SPATA1: variants seen among roughly 807,000 people sequenced by gnomAD.
SPATA1 encodes spermatogenesis-associated protein 1.
In SPATA1, 57 loss-of-function variants were observed where a neutral mutation model predicts 59.6. The ratio of observed to expected loss-of-function variants is 0.96; its 90% CI spans 0.77 to 1.19. The LOEUF (loss-of-function observed/expected upper bound fraction) is 1.19, where lower values mean the gene tolerates loss of function less well. Among genes scored for constraint, SPATA1 ranks in the 50% most tolerant of loss-of-function variants. The probability of loss-of-function intolerance (pLI) is 0.00; values close to 1 mark genes in which losing one functional copy is unlikely to be tolerated. For synonymous variants in SPATA1, 147 were observed against 163.9 expected, an observed-to-expected ratio of 0.90 and a Z score of 0.79; for missense variants, 448 against 480.7, an observed-to-expected ratio of 0.93 and a Z score of 0.64.
exon 13 of SPATA1, chr1:84,553,334 C>T (rs1188786510): frequency 4.0e-6 from 1 of 248,984 alleles, no homozygotes; most frequent in African/African-American, 2.3e-5. Context: ...ATTCCAAGTC[C>T]TTTACATATT....
rs1164801917 is a variant in SPATA1, at chr1:84,561,299, G to A, written n.443-4562G>A. Among the ~76,000 whole-genome samples, 3 of 152,304 alleles carry A rather than the reference G, an allele frequency of 2.0e-5. No homozygotes were observed. The East Asian group carries it at 5.8e-4, about 29-fold the overall frequency. On this transcript the variant is annotated intron_variant and non_coding_transcript_variant, in intron 4 of 4. Coordinates refer to the SPATA1 transcript ENST00000460286. ...TGAAGGAAGTAACTGCAGAGGTAGT[G>A]GAAACAGCAAGAGAATTAGAATTGG...
chr1:84,545,565 C>T, intron 9 of SPATA1, 69 bp from the exon 10 acceptor site: 1 of 1,438,112 alleles, frequency 7.0e-7, no homozygotes. Context: ...GTTTTACACT[C>T]CATATTTTAG....
chr1:84,522,937 G>A (rs1683085943), intron 4 of SPATA1, among the ~76,000 whole-genome samples: 1 of 149,810 alleles, frequency 6.7e-6, no homozygotes, highest in Non-Finnish European at 1.5e-5. Flanking sequence ...CCGAGACGGA[G>A]TCTTGCTCTG....
intron 4 of SPATA1, among the ~76,000 whole-genome samples, chr1:84,561,795 A>AT (rs993576527): frequency 2.6e-5 from 4 of 152,162 alleles, no homozygotes; most frequent in Non-Finnish European, 4.4e-5. Flanking sequence ...GATCGTTATC[A>AT]TTTTTTTAGC....
At chr1:84,546,367 G>A (rs1191846578) in intron 10 of SPATA1, among the ~76,000 whole-genome samples, 1 of 150,430 alleles carries the variant, frequency 6.6e-6, no homozygotes, top group Non-Finnish European at 1.5e-5. Context: ...GCTAAGGCAG[G>A]AGAATGGCTT....
intron 1 of SPATA1, among the ~76,000 whole-genome samples, chr1:84,514,207 G>T (rs1682699625): frequency 6.6e-6 from 1 of 152,000 alleles, no homozygotes; most frequent in Non-Finnish European, 1.5e-5. Context: ...CTTTTCCCAG[G>T]TCTAATCCCC....
intron 8 of SPATA1, 120 bp from the exon 9 acceptor site, chr1:84,544,082 G>A (rs1350997050): frequency 9.1e-6 from 6 of 662,410 alleles, no homozygotes; most frequent in South Asian, 1.9e-5. Flanking sequence ...AAAATTTGGA[G>A]TTCATCACCA....
intron 2 of SPATA1, among the ~76,000 whole-genome samples, chr1:84,519,266 T>C (rs1442727649): frequency 6.6e-6 from 1 of 152,208 alleles, no homozygotes; most frequent in East Asian, 1.9e-4. Context: ...ATGGTTTTAA[T>C]GAAAATGTTA....
chr1:84,520,633 A>G, exon 3 of SPATA1: 1 of 1,582,030 alleles, frequency 6.3e-7, no homozygotes, highest in East Asian at 2.3e-5. Flanking sequence ...ATGGAACTAT[A>G]AGCTAAATAC....
chr1:84,559,089 A>G (rs1472422561), downstream of SPATA1, among the ~76,000 whole-genome samples: 2 of 152,170 alleles, frequency 1.3e-5, no homozygotes, highest in Admixed American at 1.3e-4. Context: ...TGCTTTGCAG[A>G]CATTAAATTT....
chr1:84,514,226 A>G (rs1348804917), intron 1 of SPATA1, among the ~76,000 whole-genome samples: 1 of 152,148 alleles, frequency 6.6e-6, no homozygotes, highest in Non-Finnish European at 1.5e-5. Flanking sequence ...CCAAGGGCTC[A>G]TCTTTTTACA....
chr1:84,554,550 T>A (rs1684372585), downstream of SPATA1: 1 of 158,320 alleles, frequency 6.3e-6, no homozygotes, highest in Non-Finnish European at 1.4e-5. Flanking sequence ...GGTTTTAAAT[T>A]TAAGATTTAT....
chr1:84,556,275 T>C (rs1684426654), downstream of SPATA1, among the ~76,000 whole-genome samples: 2 of 152,184 alleles, frequency 1.3e-5, no homozygotes, highest in Admixed American at 6.5e-5. Context: ...GTGAAAAAGA[T>C]AGGAGATAAA....
intron 1 of SPATA1, among the ~76,000 whole-genome samples, chr1:84,512,437 A>G (rs1294270731): frequency 2.0e-5 from 3 of 152,214 alleles, no homozygotes; most frequent in Admixed American, 6.5e-5. Flanking sequence ...CTTTATTGGT[A>G]TATTTAAACA....
chr1:84,529,981 C>T (rs908782224), intron 6 of SPATA1, among the ~76,000 whole-genome samples: 4 of 152,064 alleles, frequency 2.6e-5, no homozygotes, highest in Non-Finnish European at 5.9e-5. Context: ...CTCAGCCTCC[C>T]GAGTAGCTGG....
At chr1:84,535,097 A>G (rs1247497546) in intron 8 of SPATA1, among the ~76,000 whole-genome samples, 1 of 152,124 alleles carries the variant, frequency 6.6e-6, no homozygotes. Flanking sequence ...CACCTCCTAC[A>G]CCATTTGTTA....
chr1:84,537,388 G>T (rs1683741196), intron 8 of SPATA1, among the ~76,000 whole-genome samples: 1 of 152,174 alleles, frequency 6.6e-6, no homozygotes, highest in Non-Finnish European at 1.5e-5. Context: ...ATAGCTTACT[G>T]AAGCTACCAG....
At chr1:84,524,956 C>T (rs557147892) in intron 4 of SPATA1, among the ~76,000 whole-genome samples, 15 of 151,602 alleles carry the variant, frequency 9.9e-5, no homozygotes, top group Non-Finnish European at 1.9e-4. Flanking sequence ...GATAGTATGC[C>T]CTCAGTATTT....
chr1:84,551,353 G>A (rs1306863583), intron 12 of SPATA1: 7 of 826,086 alleles, frequency 8.5e-6, no homozygotes, highest in Admixed American at 1.3e-4. Flanking sequence ...TACTGTCCTC[G>A]GTTTCAGATA....
Sources: allele counts gnomAD v4.1 joint callset (sites outside exome capture counted in the v4.1 genomes callset), GRCh38; gene constraint gnomAD v4.1.1; transcripts MANE v1.5; gene names NCBI Gene and HGNC (gene_info 2026-07-23, HGNC 2026-07-21).